WDR7: variants seen among roughly 807,000 people sequenced by gnomAD.
WDR7 encodes WD repeat-containing protein 7.
In WDR7, 46 loss-of-function variants were observed where a neutral mutation model predicts 169.4. The observed-to-expected ratio is 0.27, with a 90% CI of 0.21 to 0.35. The LOEUF is 0.35. WDR7 is among the 10% of genes least tolerant of loss of function. The pLI is 1.00. For synonymous variants in WDR7, 612 were observed against 666.8 expected (o/e 0.92, Z 1.27); for missense variants, 1,534 against 1,859.3 (o/e 0.83, Z 3.22).
chr18:56,719,285 C>T lies in WDR7; in HGVS notation c.1774+1126C>T, dbSNP rs548678584. Among the ~76,000 whole-genome samples the T allele has an allele frequency of 8.5e-5, 13 of 152,110 alleles. No homozygotes were observed. The South Asian group carries it at 1.7e-3, about 19-fold the overall frequency. On this transcript the variant is annotated intron_variant, in intron 13 of 27. Coordinates refer to ENST00000254442, the MANE Select transcript of WDR7 (RefSeq NM_015285.3). The stretch of plus-strand genomic sequence containing the variant: ...CATTTTAAAAAACAGAATTGCTGGC[C>T]GGGCGCGGTGGCTCACGCCTGTAAT...
At chr18:57,017,597 A>G (rs2048226618) in intron 26 of WDR7, among the ~76,000 whole-genome samples, 1 of 152,028 alleles carries the variant, frequency 6.6e-6, no homozygotes, top group Non-Finnish European at 1.5e-5. Context: ...ATATGACAGG[A>G]CTTCAACAAC....
At chr18:56,893,462 A>G (rs981389962) in intron 21 of WDR7, among the ~76,000 whole-genome samples, 5 of 152,130 alleles carry the variant, frequency 3.3e-5, no homozygotes, top group Non-Finnish European at 5.9e-5. Flanking sequence ...TAAGAGGTAT[A>G]TAGAAACATT....
intron 19 of WDR7, among the ~76,000 whole-genome samples, chr18:56,792,322 T>C (rs1002849800): frequency 1.3e-5 from 2 of 152,170 alleles, no homozygotes; most frequent in Admixed American, 1.3e-4. Context: ...TGGCCAAGGA[T>C]TTTTCTAATG....
chr18:56,854,535 A>G (rs2045689437), intron 20 of WDR7, among the ~76,000 whole-genome samples: 1 of 152,180 alleles, frequency 6.6e-6, no homozygotes, highest in African/African-American at 2.4e-5. Flanking sequence ...TTCTTTGGAT[A>G]GGCATGACTG....
chr18:56,702,628 A>C (rs2025858233), intron 12 of WDR7, among the ~76,000 whole-genome samples: 1 of 152,188 alleles, frequency 6.6e-6, no homozygotes, highest in South Asian at 2.1e-4. Flanking sequence ...TGTGGTATGA[A>C]ACCTTTGTGT....
At chr18:56,766,099 T>C (rs1338941659) in intron 16 of WDR7, among the ~76,000 whole-genome samples, 1 of 152,142 alleles carries the variant, frequency 6.6e-6, no homozygotes, top group East Asian at 1.9e-4. Context: ...TATTCTGTTG[T>C]CTTCTTGTTT....
chr18:56,692,700 A>G (rs981902070), intron 9 of WDR7, among the ~76,000 whole-genome samples: 1 of 152,108 alleles, frequency 6.6e-6, no homozygotes, highest in African/African-American at 2.4e-5. Context: ...TGTATAAAAA[A>G]TATACATAAG....
intron 20 of WDR7, among the ~76,000 whole-genome samples, chr18:56,861,642 G>T (rs1302626964): frequency 6.6e-6 from 1 of 151,636 alleles, no homozygotes; most frequent in East Asian, 1.9e-4. Flanking sequence ...ATATAGTATT[G>T]GCCTTTCATT....
intron 25 of WDR7, among the ~76,000 whole-genome samples, chr18:56,947,325 C>T (rs1384122867): frequency 6.6e-6 from 1 of 152,180 alleles, no homozygotes; most frequent in Non-Finnish European, 1.5e-5. Flanking sequence ...TGGGCCTTGG[C>T]TTTGCCTTCA....
intron 13 of WDR7, among the ~76,000 whole-genome samples, chr18:56,727,366 C>A (rs2026482266): frequency 1.3e-5 from 2 of 151,710 alleles, no homozygotes; most frequent in East Asian, 1.9e-4. Context: ...ATCTTTTGAA[C>A]CTCTGTATTA....
At chr18:56,880,357 A>G (rs1260038733) in intron 21 of WDR7, among the ~76,000 whole-genome samples, 192 bp downstream of exon 21, 1 of 152,230 alleles carries the variant, frequency 6.6e-6, no homozygotes, top group African/African-American at 2.4e-5. Context: ...AAGTTAAAAC[A>G]TCGTCTTTTA....
At chr18:56,856,882 G>C (rs1314576990) in intron 20 of WDR7, among the ~76,000 whole-genome samples, 1 of 152,028 alleles carries the variant, frequency 6.6e-6, no homozygotes, top group African/African-American at 2.4e-5. Flanking sequence ...GTTTTTTATG[G>C]TTACTTTCTC....
intron 25 of WDR7, among the ~76,000 whole-genome samples, chr18:56,953,805 T>C (rs1170078400): frequency 1.3e-5 from 2 of 152,234 alleles, no homozygotes; most frequent in Admixed American, 6.5e-5. Context: ...CAGGCAGATA[T>C]ATCCTTCTGA....
At chr18:56,687,049 C>G in intron 7 of WDR7, 75 bp downstream of exon 7, 3 of 1,370,298 alleles carry the variant, frequency 2.2e-6, no homozygotes, top group Non-Finnish European at 2.0e-6. Context: ...CCAAAGAACC[C>G]TAAAGAAGTA....
At chr18:56,835,174 T>C (rs2045377104) in intron 20 of WDR7, among the ~76,000 whole-genome samples, 2 of 152,180 alleles carry the variant, frequency 1.3e-5, no homozygotes, top group African/African-American at 4.8e-5. Context: ...AAAATATCAA[T>C]GAAATGTGAG....
intron 15 of WDR7, among the ~76,000 whole-genome samples, chr18:56,757,927 C>CCA (rs904721869): frequency 2.0e-5 from 3 of 151,762 alleles, no homozygotes; most frequent in Non-Finnish European, 4.4e-5. Flanking sequence ...CACGATTGTG[C>CCA]CACTGTACTC....
intron 21 of WDR7, among the ~76,000 whole-genome samples, chr18:56,915,942 G>A (rs758221244): frequency 2.8e-4 from 43 of 151,978 alleles, no homozygotes; most frequent in African/African-American, 8.9e-4. Flanking sequence ...TGTACCATCC[G>A]TCCACATTTT....
chr18:56,843,166 A>G (rs188374784), intron 20 of WDR7, among the ~76,000 whole-genome samples: 1 of 152,364 alleles, frequency 6.6e-6, no homozygotes, highest in Admixed American at 6.5e-5. Flanking sequence ...TGCCTCTTTC[A>G]GCTGTCTAGC....
At chr18:57,025,624 C>G (rs1157377927) in intron 27 of WDR7, among the ~76,000 whole-genome samples, 1 of 152,058 alleles carries the variant, frequency 6.6e-6, no homozygotes, top group East Asian at 1.9e-4. Flanking sequence ...GTGTTGTGTT[C>G]AGCGCTATTA....
Sources: gnomAD v4.1 joint callset for allele counts (sites outside exome capture counted in the v4.1 genomes callset) on GRCh38, gnomAD v4.1.1 for gene constraint, MANE v1.5 for transcripts, NCBI Gene and HGNC (gene_info 2026-07-23, HGNC 2026-07-21) for gene names.